The following GNG4 variants were observed in gnomAD, a reference collection of about 807,000 sequenced individuals.
GNG4 encodes the protein guanine nucleotide-binding protein G(I)/G(S)/G(O) subunit gamma-4.
In GNG4, 4 loss-of-function variants were observed where a neutral mutation model predicts 5.8. The ratio of observed to expected loss-of-function variants is 0.69; its 90% confidence interval spans 0.34 to 1.57. GNG4 has a LOEUF of 1.57. Ranked by LOEUF, GNG4 falls within the 40% of genes most tolerant of loss-of-function variation. The probability of loss-of-function intolerance (pLI) is 0.06; values close to 1 mark genes in which losing one functional copy is unlikely to be tolerated. For missense variants in GNG4, 96 were observed against 95.1 expected (o/e 1.01, Z -0.04); for synonymous variants, 29 against 32.9 (o/e 0.88, Z 0.41).
At position 235,548,755 on chromosome 1, in the gene GNG4, A is replaced by C. The variant is rs1285409281; in HGVS notation, c.*3354T>G. On this transcript the variant is annotated 3_prime_UTR_variant, in exon 4 of 4. Transcript: ENST00000391854. ...GGGAGATGCTGGACAGTTAAGCTGA[A>C]AACACAAAAATGACAACTGTCCCCA... The C allele has an allele frequency of 6.6e-6, 1 of 152,280 alleles. No homozygotes were observed. The highest frequency in any genetic ancestry group is 1.9e-4 in the East Asian group (1 of 5,202). The allele number at this position is 152,280 out of a possible 1,614,324, so 9.4% of individuals were successfully genotyped here.
rs751257694 is a variant in GNG4, at chr1:235,550,328, A to G, written c.*1781T>C. On this transcript the variant is annotated 3_prime_UTR_variant, in exon 4 of 4. Coordinates refer to ENST00000391854, the MANE Select transcript of GNG4 (RefSeq NM_001098722.2). ...CAAAGGTGTTTGCTTCACGGTGTGC[A>G]GTTATGATAGTTTGTGGGTCTCCCT... The G allele has an allele frequency of 6.6e-6, 1 of 152,352 alleles. No individual in the cohort carries two copies. The highest frequency in any genetic ancestry group is 6.5e-5 in the Admixed American group (1 of 15,306). The allele number at this position is 152,352 out of a possible 1,614,324, so 9.4% of individuals were successfully genotyped here. A position where few individuals can be genotyped will look rare whatever the true frequency, so the allele number is the denominator to read the frequency against.
At chr1:235,593,812 C>T (rs933625527) in intron 2 of GNG4, among the ~76,000 whole-genome samples, 1 of 152,110 alleles carries the variant, frequency 6.6e-6, no homozygotes, top group Non-Finnish European at 1.5e-5. Flanking sequence ...AGTGAAGCCG[C>T]AGACCTTCGT....
chr1:235,622,737 C>G (rs973900377), intron 1 of GNG4, among the ~76,000 whole-genome samples: 1 of 151,856 alleles, frequency 6.6e-6, no homozygotes, highest in East Asian at 1.9e-4. Context: ...AAAAATTAGT[C>G]AGGTGTGGTG....
At chr1:235,559,347 C>A (rs1173956248) in intron 3 of GNG4, among the ~76,000 whole-genome samples, 1 of 152,160 alleles carries the variant, frequency 6.6e-6, no homozygotes, top group African/African-American at 2.4e-5. Context: ...ACTGCTTATC[C>A]TCAGTGGGAT....
intron 3 of GNG4, among the ~76,000 whole-genome samples, chr1:235,573,449 A>G (rs531072424): frequency 3.3e-5 from 5 of 152,050 alleles, no homozygotes; most frequent in South Asian, 2.1e-4. Context: ...TGTTGTGTAC[A>G]TGTACCCTAG....
chr1:235,613,312 C>A lies in GNG4; in HGVS notation c.-122-17801G>T, dbSNP rs181218644. On this transcript the variant is annotated intron_variant, in intron 1 of 3. Transcript: ENST00000391854. ...GACATATAGCATCTTAACTGGTTTA[C>A]AGGGTGAGGCAGGCAGAATAATGGC... Among the ~76,000 whole-genome samples, 29 of 152,282 alleles carry A rather than the reference C, an allele frequency of 1.9e-4. No homozygotes were observed. In the East Asian group the frequency reaches 5.2e-3, roughly 27 times the overall value.
chr1:235,633,984 G>A (rs748032042), intron 1 of GNG4, among the ~76,000 whole-genome samples: 1 of 152,190 alleles, frequency 6.6e-6, no homozygotes, highest in Non-Finnish European at 1.5e-5. Context: ...TAAAGCTCTG[G>A]TCCTAGGAAA....
intron 2 of GNG4, among the ~76,000 whole-genome samples, chr1:235,587,879 G>A (rs973939060): frequency 4.6e-5 from 7 of 151,122 alleles, no homozygotes; most frequent in Non-Finnish European, 7.4e-5. Flanking sequence ...AGAGGGTGTG[G>A]GGGGTGTGTT....
At chr1:235,641,816 A>G (rs1361284048) in intron 1 of GNG4, among the ~76,000 whole-genome samples, 1 of 152,188 alleles carries the variant, frequency 6.6e-6, no homozygotes, top group East Asian at 1.9e-4. Context: ...TCCTCCCACA[A>G]GCAGCCTATT....
At chr1:235,597,080 G>A (rs1438403986) in intron 1 of GNG4, among the ~76,000 whole-genome samples, 1 of 152,010 alleles carries the variant, frequency 6.6e-6, no homozygotes, top group Admixed American at 6.6e-5. Context: ...AGCCCTGTTC[G>A]CCTTCCCTTT....
At chr1:235,580,028 G>C (rs1417256309) in intron 3 of GNG4, among the ~76,000 whole-genome samples, 1 of 152,162 alleles carries the variant, frequency 6.6e-6, no homozygotes, top group African/African-American at 2.4e-5. Context: ...TCCATCAATG[G>C]ATGAATGGAT....
chr1:235,586,760 G>A (rs1288434139), intron 2 of GNG4, among the ~76,000 whole-genome samples: 1 of 152,164 alleles, frequency 6.6e-6, no homozygotes, highest in African/African-American at 2.4e-5. Context: ...CTGCATGAGT[G>A]GAAGCTTCCT....
At chr1:235,561,135 G>A (rs1292952179) in intron 3 of GNG4, among the ~76,000 whole-genome samples, 3 of 151,768 alleles carry the variant, frequency 2.0e-5, no homozygotes, top group Admixed American at 2.0e-4. Flanking sequence ...TCAGCCTCCC[G>A]AGTAGCTGGG....
intron 1 of GNG4, among the ~76,000 whole-genome samples, chr1:235,623,384 G>C (rs953012686): frequency 3.9e-5 from 6 of 152,156 alleles, no homozygotes; most frequent in African/African-American, 1.4e-4. Context: ...TCAGGTCAAA[G>C]CCACAAGAAT....
chr1:235,551,960 G>C lies in GNG4; in HGVS notation c.*149C>G. The C allele has an allele frequency of 1.7e-6, 1 of 572,486 alleles. No individual in the cohort carries two copies. Among genetic ancestry groups the C allele is most frequent in the Non-Finnish European group, 3.1e-6 (1 of 321,748 alleles). 35.5% of individuals were successfully genotyped at this position (572,486 alleles called of 1,614,324 possible). A position where few individuals can be genotyped will look rare whatever the true frequency, so the allele number is the denominator to read the frequency against. On this transcript the variant is annotated 3_prime_UTR_variant, in exon 4 of 4. Coordinates refer to ENST00000391854, the MANE Select transcript of GNG4 (RefSeq NM_001098722.2). The stretch of plus-strand genomic sequence containing the variant: ...AAAAAATGAAATTGAATGCCACGAA[G>C]AAAACAGATGGAAACATAAGACAAG...
chr1:235,560,376 CCT>C (rs1228029157), intron 3 of GNG4, among the ~76,000 whole-genome samples: 2 of 152,086 alleles, frequency 1.3e-5, no homozygotes, highest in East Asian at 3.9e-4. Context: ...GGGTTTGGCC[CCT>C]TTTTTCTCTC....
At chr1:235,615,948 T>C in intron 1 of GNG4, 1 of 309,016 alleles carries the variant, frequency 3.2e-6, no homozygotes, top group Non-Finnish European at 6.3e-6. Context: ...CACTCTGGCC[T>C]GGGTGATCAC....
At chr1:235,556,482 A>G (rs550544738) in intron 3 of GNG4, among the ~76,000 whole-genome samples, 23 of 150,018 alleles carry the variant, frequency 1.5e-4, no homozygotes, top group African/African-American at 5.6e-4. Flanking sequence ...TGCTTGAACC[A>G]GGGAGTCAGA....
intron 3 of GNG4, among the ~76,000 whole-genome samples, chr1:235,582,508 A>G (rs2102940710): frequency 6.6e-6 from 1 of 152,240 alleles, no homozygotes; most frequent in South Asian, 2.1e-4. Context: ...TCAAGTATAG[A>G]TTAGGTGCTC....
Sources: gnomAD v4.1 joint callset for allele counts (sites outside exome capture counted in the v4.1 genomes callset) on GRCh38, gnomAD v4.1.1 for gene constraint, MANE v1.5 for transcripts, NCBI Gene and HGNC (gene_info 2026-07-23, HGNC 2026-07-21) for gene names.